The following CTNNA2 variants were observed in gnomAD, a reference collection of about 807,000 sequenced individuals.
CTNNA2 encodes the protein catenin alpha-2.
In CTNNA2, 42 loss-of-function variants were observed where a neutral mutation model predicts 101.0. That is an observed-to-expected ratio of 0.42 (90% CI 0.32 to 0.54). The LOEUF (loss-of-function observed/expected upper bound fraction) is 0.54, where lower values mean the gene tolerates loss of function less well. Ranked by LOEUF, CTNNA2 falls within the 20% of genes least tolerant of loss-of-function variation. CTNNA2 has a pLI of 0.14. For missense variants in CTNNA2, 871 were observed against 1,223.1 expected, an observed-to-expected ratio of 0.71 and a Z score of 4.29; for synonymous variants, 450 against 456.4, an observed-to-expected ratio of 0.99 and a Z score of 0.18.
chr2:79,217,015 C>G (rs185803665), intron 2 of CTNNA2, among the ~76,000 whole-genome samples: 183 of 152,216 alleles, frequency 1.2e-3, no homozygotes, highest in African/African-American at 4.3e-3. Context: ...ATGGATAAAA[C>G]GTGTCTCCTT....
chr2:80,237,651 G>T (rs945884831), intron 7 of CTNNA2, among the ~76,000 whole-genome samples: 5 of 152,248 alleles, frequency 3.3e-5, no homozygotes, highest in Non-Finnish European at 5.9e-5. Flanking sequence ...ACAGACACCT[G>T]CATAGCCCTA....
intron 7 of CTNNA2, among the ~76,000 whole-genome samples, chr2:79,980,160 T>G (rs747606725): frequency 2.0e-5 from 3 of 152,208 alleles, no homozygotes; most frequent in Non-Finnish European, 2.9e-5. Flanking sequence ...ACTCTTGTTG[T>G]TCTATGATTA....
At chr2:79,254,120 C>G (rs998734994) in intron 2 of CTNNA2, among the ~76,000 whole-genome samples, 5 of 152,188 alleles carry the variant, frequency 3.3e-5, no homozygotes, top group African/African-American at 1.2e-4. Flanking sequence ...ATTTGGGGAT[C>G]ACAATGGTAC....
At chr2:79,400,707 C>T (rs570449212) in intron 4 of CTNNA2, among the ~76,000 whole-genome samples, 2 of 151,032 alleles carry the variant, frequency 1.3e-5, no homozygotes, top group South Asian at 4.2e-4. Flanking sequence ...GAATGAGGGG[C>T]AAGAGAAAAA....
chr2:80,087,207 G>T (rs1699497633), intron 7 of CTNNA2, among the ~76,000 whole-genome samples: 1 of 151,914 alleles, frequency 6.6e-6, no homozygotes, highest in Non-Finnish European at 1.5e-5. Context: ...CACCTTCAGG[G>T]TGTAGACAGT....
At chr2:80,171,491 T>C (rs146580718) in intron 7 of CTNNA2, among the ~76,000 whole-genome samples, 105 of 152,324 alleles carry the variant, frequency 6.9e-4, no homozygotes, top group Admixed American at 1.5e-3. Context: ...GTTAAGATAC[T>C]GTAACAAAGA....
chr2:79,584,264 G>A (rs1676328534), intron 1 of CTNNA2, among the ~76,000 whole-genome samples: 1 of 152,110 alleles, frequency 6.6e-6, no homozygotes, highest in East Asian at 1.9e-4. Context: ...TTTATCCTAT[G>A]GTTCATAAAA....
intron 7 of CTNNA2, among the ~76,000 whole-genome samples, chr2:80,013,314 C>A (rs911937664): frequency 6.6e-6 from 1 of 152,116 alleles, no homozygotes; most frequent in Admixed American, 6.5e-5. Flanking sequence ...GTCAAAAGAA[C>A]TAACCATTAC....
intron 7 of CTNNA2, among the ~76,000 whole-genome samples, chr2:80,183,150 C>T (rs1705889616): frequency 6.6e-6 from 1 of 152,078 alleles, no homozygotes; most frequent in Admixed American, 6.6e-5. Context: ...GTCAATAGAT[C>T]CCCCCAGACA....
At position 80,256,246 on chromosome 2, in the gene CTNNA2, G is replaced by A. The variant is rs565906414; in HGVS notation, c.1057-136965G>A. Among the ~76,000 whole-genome samples, 213 of 152,014 alleles carry A rather than the reference G, an allele frequency of 1.4e-3. 1 individual carries two copies. The highest frequency in any genetic ancestry group is 4.9e-3 in the African/African-American group (202 of 41,482). ...GAATTCAGTTTTCCCCTGTGTCAGG[G>A]GAAATTCATCACAAAAATATATACA... is the stretch of plus-strand genomic sequence containing the variant. On this transcript the variant is annotated intron_variant, in intron 7 of 18. Transcript: ENST00000402739.
intron 12 of CTNNA2, among the ~76,000 whole-genome samples, chr2:80,560,702 T>A (rs1244160189): frequency 6.6e-6 from 1 of 152,184 alleles, no homozygotes; most frequent in Non-Finnish European, 1.5e-5. Flanking sequence ...TACATCTGTT[T>A]ATTGAGATTC....
chr2:79,315,523 CTTT>C (rs1213222883), intron 3 of CTNNA2, among the ~76,000 whole-genome samples: 1 of 152,120 alleles, frequency 6.6e-6, no homozygotes, highest in Non-Finnish European at 1.5e-5. Flanking sequence ...TTGCGACAGG[CTTT>C]TATTTACTCA....
At chr2:79,969,696 T>C (rs1044443099) in intron 7 of CTNNA2, among the ~76,000 whole-genome samples, 14 of 152,228 alleles carry the variant, frequency 9.2e-5, no homozygotes, top group African/African-American at 3.1e-4. Flanking sequence ...CTCACTGTGC[T>C]TTTTTCTGCC....
intron 2 of CTNNA2, among the ~76,000 whole-genome samples, chr2:79,216,101 A>G (rs1253665657): frequency 6.6e-6 from 1 of 152,132 alleles, no homozygotes; most frequent in Non-Finnish European, 1.5e-5. Context: ...GACAAGAATT[A>G]TTTAGATCTT....
intron 7 of CTNNA2, among the ~76,000 whole-genome samples, chr2:80,164,072 A>G (rs543926207): frequency 6.6e-6 from 1 of 151,870 alleles, no homozygotes; most frequent in Admixed American, 6.6e-5. Flanking sequence ...TATAGAGAGC[A>G]TATAGTTGGA....
intron 4 of CTNNA2, among the ~76,000 whole-genome samples, chr2:79,446,747 C>A (rs1017611355): frequency 4.0e-4 from 61 of 152,142 alleles, no homozygotes; most frequent in African/African-American, 1.4e-3. Flanking sequence ...GGATAGCAAT[C>A]CCACAGCTAT....
intron 7 of CTNNA2, among the ~76,000 whole-genome samples, chr2:80,092,592 A>G (rs1013249518): frequency 1.3e-5 from 2 of 152,120 alleles, no homozygotes; most frequent in Non-Finnish European, 2.9e-5. Context: ...TCATTTCAAC[A>G]TATCCTTTTT....
chr2:79,831,141 T>C (rs945166351), intron 3 of CTNNA2, among the ~76,000 whole-genome samples: 5 of 152,142 alleles, frequency 3.3e-5, no homozygotes, highest in African/African-American at 1.2e-4. Context: ...AATCATTTTA[T>C]TTTAGAAAAA....
chr2:79,896,605 G>A (rs751418100), intron 6 of CTNNA2, among the ~76,000 whole-genome samples: 1 of 152,168 alleles, frequency 6.6e-6, no homozygotes, highest in Admixed American at 6.5e-5. Context: ...AGAAGATACC[G>A]ACCTATAAGG....
Sources: allele counts gnomAD v4.1 joint callset (sites outside exome capture counted in the v4.1 genomes callset), GRCh38; gene constraint gnomAD v4.1.1; transcripts MANE v1.5; gene names NCBI Gene and HGNC (gene_info 2026-07-23, HGNC 2026-07-21).